ZNF723: variants seen among roughly 807,000 people sequenced by gnomAD.
ZNF723 encodes zinc finger protein 723, pseudogene.
ZNF723 carries 5 observed loss-of-function variants against 9.4 expected under a neutral mutation model. The ratio of observed to expected loss-of-function variants is 0.53; its 90% CI spans 0.28 to 1.12. The LOEUF is 1.12. ZNF723 is among the 50% of genes most tolerant of loss of function. ZNF723 has a pLI of 0.10. For missense variants in ZNF723, 450 were observed against 501.5 expected (o/e 0.90, Z 0.98); for synonymous variants, 158 against 168.8 (o/e 0.94, Z 0.49).
At chr19:22,846,898 C>T (rs1459876250) in intron 1 of ZNF723, among the ~76,000 whole-genome samples, 8 of 148,314 alleles carry the variant, frequency 5.4e-5, no homozygotes, top group African/African-American at 2.0e-4. Flanking sequence ...GCCACTACCC[C>T]CAACCAGCCT....
rs1029167241 is a variant in ZNF723, at chr19:22,857,135, G to C, written c.244G>C (p.Ala82Pro). The C allele has an allele frequency of 1.0e-6, 1 of 985,536 alleles. No individual in the cohort carries two copies. Among genetic ancestry groups the C allele is most frequent in the African/African-American group, 1.6e-5 (1 of 61,810 alleles). 61.0% of individuals were successfully genotyped at this position (985,536 alleles called of 1,614,324 possible). A position where few individuals can be genotyped will look rare whatever the true frequency, so the allele number is the denominator to read the frequency against. The part of the protein sequence containing the change: ...AKPPVVCSHF[A>P]QDLWPEQGIK... ...TTTTTCAGTTGTGTGTTCTCATTTT[G>C]CCCAAGACCTTTGGCCAGAGCAGGG... The change falls in exon 4 of 4, where the codon GCC becomes CCC. Residue 82 changes from alanine to proline, a missense_variant. Ala to Pro is a conservative substitution (Grantham distance 27). Around this residue, in one of 5 missense-constraint regions of ZNF723, gnomAD observed 143 missense variants for 101.3 expected, o/e 1.41. Transcript: ENST00000600766.
chr19:22,856,126 AT>A (rs1412928468), intron 3 of ZNF723, among the ~76,000 whole-genome samples: 1 of 151,750 alleles, frequency 6.6e-6, no homozygotes, highest in Admixed American at 6.6e-5. Flanking sequence ...CACCCAGCTA[AT>A]TTTTTGTATT....
At chr19:22,835,164 C>T (rs1014844175) in intron 1 of ZNF723, among the ~76,000 whole-genome samples, 2 of 150,788 alleles carry the variant, frequency 1.3e-5, no homozygotes, top group Non-Finnish European at 2.9e-5. Context: ...TCTAAGCCTC[C>T]GGAGTAGCTG....
At chr19:22,837,366 C>T (rs1006782780) in intron 1 of ZNF723, among the ~76,000 whole-genome samples, 7 of 151,832 alleles carry the variant, frequency 4.6e-5, no homozygotes, top group African/African-American at 1.7e-4. Flanking sequence ...TTGTGACTGG[C>T]ATCTGCAATA....
the ZNF723 span, among the ~76,000 whole-genome samples, chr19:22,826,198 C>T: frequency 5.3e-5 from 8 of 152,322 alleles, no homozygotes; most frequent in East Asian, 1.5e-3. Context: ...ACTCTCTTGC[C>T]TGGGTCCTGC....
the ZNF723 span, among the ~76,000 whole-genome samples, chr19:22,813,558 C>A: frequency 6.6e-6 from 1 of 151,902 alleles, no homozygotes; most frequent in Non-Finnish European, 1.5e-5. Context: ...TTGTTCCCTG[C>A]TCACATGGCC....
At chr19:22,825,406 T>C in the ZNF723 span, among the ~76,000 whole-genome samples, 2 of 152,242 alleles carry the variant, frequency 1.3e-5, no homozygotes, top group African/African-American at 4.8e-5. Context: ...AGAAGCTTCA[T>C]GAATGTGTGA....
At chr19:22,831,135 A>G (rs1464806781), upstream of ZNF723, among the ~76,000 whole-genome samples, 1 of 152,244 alleles carries the variant, frequency 6.6e-6, no homozygotes, top group African/African-American at 2.4e-5. Flanking sequence ...ATTGAGATAC[A>G]GAATCTGTTT....
At chr19:22,833,020 A>G (rs918889093) in intron 1 of ZNF723, among the ~76,000 whole-genome samples, 9 of 152,130 alleles carry the variant, frequency 5.9e-5, no homozygotes, top group African/African-American at 9.7e-5. Flanking sequence ...TTTGGTTAAG[A>G]CTGAATTTCG....
At chr19:22,856,273 A>AT (rs1967477728) in intron 3 of ZNF723, among the ~76,000 whole-genome samples, 1 of 151,966 alleles carries the variant, frequency 6.6e-6, no homozygotes, top group South Asian at 2.1e-4. Context: ...TTTTTTAGTT[A>AT]TAATTTCTTT....
chr19:22,813,405 C>T, the ZNF723 span, among the ~76,000 whole-genome samples: 1 of 152,114 alleles, frequency 6.6e-6, no homozygotes, highest in South Asian at 2.1e-4. Flanking sequence ...CTTTGTGCTG[C>T]CCCTAGGGTT....
At position 22,857,178 on chromosome 19, in the gene ZNF723, A is replaced by G. The variant is rs1967490563; in HGVS notation, c.287A>G (p.Gln96Arg). ...GAGCAGGGCATAAAAGATTCTTTCC[A>G]AAAAGTAATACTGAGAAGCTATGGA... ...WPEQGIKDSF[Q>R]KVILRSYGKY... The change falls in exon 4 of 4, where the codon CAA (glutamine) becomes CGA (arginine). Residue 96 changes from glutamine (Q) to arginine (R), a missense_variant. Physicochemically the swap from Gln to Arg is conservative, Grantham distance 43 (BLOSUM62 1). Around this residue, in one of 5 missense-constraint regions of ZNF723, gnomAD observed 143 missense variants for 101.3 expected, o/e 1.41. Transcript: ENST00000600766. 2 of 976,552 alleles carry G rather than the reference A, an allele frequency of 2.0e-6. No individual in the cohort carries two copies. Among genetic ancestry groups the G allele is most frequent in the Non-Finnish European group, 3.1e-6 (2 of 638,364 alleles). The allele number at this position is 976,552 out of a possible 1,614,324, so 60.5% of individuals were successfully genotyped here. A position where few individuals can be genotyped will look rare whatever the true frequency, so the allele number is the denominator to read the frequency against.
the ZNF723 span, among the ~76,000 whole-genome samples, chr19:22,823,778 A>C: frequency 6.6e-6 from 1 of 152,192 alleles, no homozygotes; most frequent in Non-Finnish European, 1.5e-5. Flanking sequence ...AGTAATTGTG[A>C]CATATTTCTG....
intron 1 of ZNF723, among the ~76,000 whole-genome samples, chr19:22,840,214 C>T (rs1469680712): frequency 6.6e-6 from 1 of 151,930 alleles, no homozygotes; most frequent in Non-Finnish European, 1.5e-5. Flanking sequence ...GCTCATTGCC[C>T]AGGCTGGAGT....
At chr19:22,813,766 C>A in the ZNF723 span, among the ~76,000 whole-genome samples, 11 of 151,718 alleles carry the variant, frequency 7.3e-5, no homozygotes, top group African/African-American at 2.4e-4. Flanking sequence ...AACAAAAAAA[C>A]TGACTATCAT....
chr19:22,815,825 A>G, the ZNF723 span, among the ~76,000 whole-genome samples: 6 of 152,222 alleles, frequency 3.9e-5, no homozygotes, highest in African/African-American at 1.4e-4. Flanking sequence ...ACAGGGCACA[A>G]TAAAAGTGAG....
chr19:22,851,334 A>C (rs1967391798), intron 3 of ZNF723, among the ~76,000 whole-genome samples: 1 of 151,792 alleles, frequency 6.6e-6, no homozygotes, highest in Non-Finnish European at 1.5e-5. Flanking sequence ...ACCACACCCA[A>C]CTAATTTTTC....
intron 1 of ZNF723, among the ~76,000 whole-genome samples, chr19:22,841,761 A>G (rs1174742162): frequency 1.3e-5 from 2 of 152,176 alleles, no homozygotes; most frequent in African/African-American, 2.4e-5. Context: ...AGTGTTGAGT[A>G]GACATGTAGA....
At chr19:22,824,656 G>A in the ZNF723 span, among the ~76,000 whole-genome samples, 11 of 152,170 alleles carry the variant, frequency 7.2e-5, no homozygotes, top group Admixed American at 5.9e-4. Flanking sequence ...CCAGCACACA[G>A]GTGAAATTTT....
Sources: allele counts gnomAD v4.1 joint callset (sites outside exome capture counted in the v4.1 genomes callset), GRCh38; gene constraint gnomAD v4.1.1; regional missense constraint gnomAD v4.1.1; transcripts MANE v1.5; gene names NCBI Gene and HGNC (gene_info 2026-07-23, HGNC 2026-07-21).